Variants in CNTNAP5 observed in about 807,000 individuals in gnomAD.
The protein encoded by CNTNAP5 is contactin-associated protein-like 5.
CNTNAP5 carries 72 observed loss-of-function variants against 150.2 expected under a neutral mutation model. That is an observed-to-expected ratio of 0.48 (90% confidence interval 0.40 to 0.58). The LOEUF is 0.58. Among genes scored for constraint, CNTNAP5 ranks in the 20% least tolerant of loss-of-function variants. CNTNAP5 has a pLI of 0.00. For missense variants in CNTNAP5, 1,636 were observed against 1,626.2 expected (o/e 1.01, Z -0.10); for synonymous variants, 672 against 619.8 (o/e 1.08, Z -1.25).
intron 13 of CNTNAP5, among the ~76,000 whole-genome samples, chr2:124,655,537 TTATA>T (rs35983123): frequency 0.29 from 43,328 of 147,976 alleles, 7,143 homozygotes; most frequent in Non-Finnish European, 0.38. Flanking sequence ...CATCAAATGA[TTATA>T]TATATATATA....
intron 3 of CNTNAP5, among the ~76,000 whole-genome samples, chr2:124,320,707 TTGTC>T (rs1689078316): frequency 1.3e-5 from 2 of 152,262 alleles, no homozygotes; most frequent in Admixed American, 1.3e-4. Context: ...CATAATTAAA[TTGTC>T]TGTATTTAAT....
At chr2:124,422,088 T>G (rs1381816824) in intron 4 of CNTNAP5, among the ~76,000 whole-genome samples, 1 of 152,222 alleles carries the variant, frequency 6.6e-6, no homozygotes, top group Non-Finnish European at 1.5e-5. Context: ...AGTAAGTATT[T>G]GTTGAATGGG....
In CNTNAP5 at chr2:124,798,269, T is replaced by C; in HGVS notation, c.3166T>C (p.Phe1056Leu). 1 of 1,613,956 alleles carries C rather than the reference T, an allele frequency of 6.2e-7. No homozygotes were observed. The highest frequency in any genetic ancestry group is 8.5e-7 in the Non-Finnish European group (1 of 1,179,832). Residue 1056 changes from phenylalanine (F) to leucine (L), a missense_variant, in exon 19 of 24, where the codon TTT (phenylalanine) becomes CTT (leucine). Physicochemically the swap from Phe to Leu is conservative, Grantham distance 22. Coordinates refer to ENST00000682447, the MANE Select transcript of CNTNAP5 (RefSeq NM_001367498.1). ...VTTQAPSLLL[F>L]INSSSQDFVV... ...AACCCAGGCACCCAGTCTTTTGCTCTTTATCAATTCTTCTTCTCAGGACTT... is the reference window on the plus strand; with the variant it reads ...AACCCAGGCACCCAGTCTTTTGCTCCTTATCAATTCTTCTTCTCAGGACTT...
In CNTNAP5 at chr2:124,763,781, T is replaced by C; in HGVS notation, c.2344T>C (p.Leu782=). ...NSEAAWRIGP[L]RCYGDRRFWN... ...AGAAGCCGCTTGGAGAATTGGTCCC[T>C]TGCGTTGCTATGGTGACCGTGAGTA... The change falls in exon 15 of 24, where the codon TTG becomes CTG. Residue 782 remains leucine, a synonymous_variant. Coordinates refer to ENST00000682447, the MANE Select transcript of CNTNAP5 (RefSeq NM_001367498.1). 6.2e-7 allele frequency: 1 copy of C among 1,613,144 alleles called. No individual in the cohort carries two copies. The highest frequency in any genetic ancestry group is 8.5e-7 in the Non-Finnish European group (1 of 1,179,470).
At chr2:124,830,084 G>A (rs1682681704) in intron 19 of CNTNAP5, among the ~76,000 whole-genome samples, 1 of 151,476 alleles carries the variant, frequency 6.6e-6, no homozygotes, top group South Asian at 2.1e-4. Context: ...TAAATATAAT[G>A]GAAAGAGGAT....
At chr2:124,031,971 C>T (rs925580449) in intron 1 of CNTNAP5, among the ~76,000 whole-genome samples, 3 of 152,062 alleles carry the variant, frequency 2.0e-5, no homozygotes, top group East Asian at 1.9e-4. Context: ...GTGTGTTATG[C>T]ATTTGAAAAC....
intron 19 of CNTNAP5, among the ~76,000 whole-genome samples, chr2:124,826,312 TTC>T (rs1156750860): frequency 1.2e-4 from 18 of 152,254 alleles, no homozygotes; most frequent in African/African-American, 4.3e-4. Context: ...TTCACAGCCT[TTC>T]TTAGTGTCAG....
chr2:124,389,689 G>A (rs1691060995), intron 3 of CNTNAP5, among the ~76,000 whole-genome samples: 1 of 152,154 alleles, frequency 6.6e-6, no homozygotes, highest in African/African-American at 2.4e-5. Context: ...AATTTAGGCT[G>A]GGTGCAGTGG....
chr2:124,134,360 G>GAA (rs200894367), intron 1 of CNTNAP5, among the ~76,000 whole-genome samples: 6 of 131,992 alleles, frequency 4.5e-5, no homozygotes, highest in East Asian at 4.4e-4. Context: ...CCTTGAAAAA[G>GAA]AAAAAAAAAA....
intron 21 of CNTNAP5, 107 bp downstream of exon 21, chr2:124,869,869 A>G (rs192828592): frequency 2.2e-5 from 13 of 584,942 alleles, no homozygotes; most frequent in African/African-American, 1.1e-4. Context: ...TTTTGCTCCC[A>G]TAATATCTGA....
rs186719934 is a variant in CNTNAP5, at chr2:124,181,563, T to A, written c.83-40142T>A. Reference sequence around the variant, plus strand: ...GAAACTAGTTGATCTAGCTAACAGGTTAAGTGGATAAAGTGTCCCATTGAA... The same window carrying A: ...GAAACTAGTTGATCTAGCTAACAGGATAAGTGGATAAAGTGTCCCATTGAA... On this transcript the variant is annotated intron_variant, in intron 1 of 23. Coordinates refer to ENST00000682447, the MANE Select transcript of CNTNAP5 (RefSeq NM_001367498.1). Among the ~76,000 whole-genome samples, 72 of 152,292 alleles carry A rather than the reference T, an allele frequency of 4.7e-4. 1 individual carries two copies. Among genetic ancestry groups the A allele is most frequent in the Non-Finnish European group, 8.7e-4 (59 of 68,014 alleles).
chr2:124,253,737 T>A (rs927283644), intron 3 of CNTNAP5, among the ~76,000 whole-genome samples: 1 of 152,158 alleles, frequency 6.6e-6, no homozygotes, highest in African/African-American at 2.4e-5. Context: ...TGGATACTAA[T>A]CAGGATAGTA....
intron 3 of CNTNAP5, among the ~76,000 whole-genome samples, chr2:124,364,475 T>A (rs1005825643): frequency 1.5e-4 from 23 of 152,292 alleles, no homozygotes; most frequent in African/African-American, 5.1e-4. Flanking sequence ...GATATCATTA[T>A]CTTACTTATT....
intron 3 of CNTNAP5, among the ~76,000 whole-genome samples, chr2:124,379,079 C>A (rs994772061): frequency 6.6e-6 from 1 of 151,930 alleles, no homozygotes; most frequent in Non-Finnish European, 1.5e-5. Flanking sequence ...CCTGGCCCCA[C>A]ACATGCATAA....
chr2:124,608,977 TA>T (rs2104983136), intron 11 of CNTNAP5, among the ~76,000 whole-genome samples: 1 of 151,974 alleles, frequency 6.6e-6, no homozygotes, highest in South Asian at 2.1e-4. Context: ...CTTTAATTAG[TA>T]AAAAGCCATA....
chr2:124,222,678 C>T (rs978149547), intron 2 of CNTNAP5, among the ~76,000 whole-genome samples: 2 of 149,164 alleles, frequency 1.3e-5, no homozygotes, highest in Admixed American at 1.3e-4. Context: ...CAGGTTTTTG[C>T]AATATTGAAC....
At chr2:124,508,331 A>G (rs1352014320) in intron 8 of CNTNAP5, among the ~76,000 whole-genome samples, 1 of 152,176 alleles carries the variant, frequency 6.6e-6, no homozygotes, top group Non-Finnish European at 1.5e-5. Flanking sequence ...TAGAATTGTA[A>G]TATTTTTTCA....
rs557013304 is a variant in CNTNAP5 at position 124,815,498 on chromosome 2, G to A, written c.3217+17178G>A. Among the ~76,000 whole-genome samples the A allele has an allele frequency of 2.7e-3, 404 of 152,244 alleles. 1 individual carries two copies. Among genetic ancestry groups the A allele is most frequent in the Non-Finnish European group, 4.3e-3 (294 of 67,994 alleles). ...TGAAAAGGAATAGAAATGGGCTATC[G>A]GAAACTTATTTCCCCAGAGCGGCCG... is the stretch of plus-strand genomic sequence containing the variant. On this transcript the variant is annotated intron_variant, in intron 19 of 23. Transcript: ENST00000682447.
chr2:124,176,917 C>T lies in CNTNAP5; in HGVS notation c.83-44788C>T, dbSNP rs534403431. ...CGGAGTGCAATGGCATGATCTTGGCCCACTGCAACTTCTGCCTCCTGGGTT... is the reference window on the plus strand; with the variant it reads ...CGGAGTGCAATGGCATGATCTTGGCTCACTGCAACTTCTGCCTCCTGGGTT... On this transcript the variant is annotated intron_variant, in intron 1 of 23. Coordinates refer to ENST00000682447, the MANE Select transcript of CNTNAP5 (RefSeq NM_001367498.1). Among the ~76,000 whole-genome samples, 5 of 145,924 alleles carry T rather than the reference C, an allele frequency of 3.4e-5. No homozygotes were observed. The South Asian group carries it at 1.1e-3, about 31-fold the overall frequency.
Sources: allele counts gnomAD v4.1 joint callset (sites outside exome capture counted in the v4.1 genomes callset), GRCh38; gene constraint gnomAD v4.1.1; transcripts MANE v1.5; gene names NCBI Gene and HGNC (gene_info 2026-07-23, HGNC 2026-07-21).